Variants in LGI2 observed in about 807,000 individuals in gnomAD.
LGI2 encodes the protein leucine-rich repeat LGI family member 2.
LGI2 carries 30 observed loss-of-function variants against 52.0 expected under a neutral mutation model. The ratio of observed to expected loss-of-function variants is 0.58; its 90% CI spans 0.43 to 0.78. The LOEUF (loss-of-function observed/expected upper bound fraction) is 0.78. Ranked by LOEUF, LGI2 falls within the 30% of genes least tolerant of loss-of-function variation. The pLI, the probability that LGI2 is intolerant of heterozygous loss-of-function variation, is 0.00. For missense variants in LGI2, 573 were observed against 692.5 expected, an observed-to-expected ratio of 0.83 and a Z score of 1.94; for synonymous variants, 270 against 271.8, an observed-to-expected ratio of 0.99 and a Z score of 0.06.
intron 1 of LGI2, among the ~76,000 whole-genome samples, chr4:25,028,808 T>A (rs1726227318): frequency 6.6e-6 from 1 of 152,196 alleles, no homozygotes; most frequent in South Asian, 2.1e-4. Context: ...ACCTTTACCA[T>A]CAGCTCCTTC....
intron 4 of LGI2, among the ~76,000 whole-genome samples, chr4:25,021,653 C>T (rs1377396001): frequency 1.3e-5 from 2 of 152,060 alleles, no homozygotes; most frequent in African/African-American, 4.8e-5. Context: ...GTCGCCTGGC[C>T]GGGCGCGGTG....
chr4:25,003,556 A>G lies in LGI2; in HGVS notation c.1533T>C (p.Arg511=), dbSNP rs750711545. ...TGTCGGTGGAGACAGCTGTGAATGA[A>G]CGAGGCGCCTGCACGTAAATCTCCT... ...KFKEIYVQAP[R]SFTAVSTDRR... is the part of the protein sequence containing the mutation. The change falls in exon 8 of 8, where the codon CGT becomes CGC. Residue 511 remains arginine, a synonymous_variant. Coordinates refer to ENST00000382114, the MANE Select transcript of LGI2 (RefSeq NM_018176.4). 1 of 1,614,120 alleles carries G rather than the reference A, an allele frequency of 6.2e-7. No homozygotes were observed. Among genetic ancestry groups the G allele is most frequent in the Non-Finnish European group, 8.5e-7 (1 of 1,179,994 alleles).
Position 25,012,417 on chromosome 4 carries a change from G to A in LGI2, c.738C>T (p.Ile246=), listed in dbSNP as rs757666849. The A allele has an allele frequency of 1.8e-5, 29 of 1,614,142 alleles. No homozygotes were observed. Among genetic ancestry groups the A allele is most frequent in the Middle Eastern group, 1.6e-4 (1 of 6,084 alleles). ...TGCAGTTCTCCATGCTGGGCTGCGC[G>A]ATGGCCACGTACACATCGTTCTTGG... ...FNSKNDVYVA[I]AQPSMENCMV... Residue 246 remains isoleucine, a synonymous_variant, in exon 7 of 8, where the codon ATC becomes ATT. Coordinates refer to ENST00000382114, the MANE Select transcript of LGI2 (RefSeq NM_018176.4).
rs557857000 is a variant in LGI2 at position 25,008,824 on chromosome 4, G to A, written c.820+3511C>T. 3.9e-5 allele frequency among the ~76,000 whole-genome samples: 6 copies of A among 152,288 alleles called. No homozygotes were observed. In the South Asian group the frequency reaches 1.2e-3, roughly 32 times the overall value. ...TTCATGTCATGCCGCCAAGCTGTGG[G>A]ATGATTCAGACTTGGAGACTGAGGG... On this transcript the variant is annotated intron_variant, in intron 7 of 7. Coordinates refer to ENST00000382114, the MANE Select transcript of LGI2 (RefSeq NM_018176.4).
downstream of LGI2, among the ~76,000 whole-genome samples, chr4:24,997,741 A>G (rs1725124967): frequency 6.6e-6 from 1 of 152,216 alleles, no homozygotes; most frequent in East Asian, 1.9e-4. Flanking sequence ...ATTTTCTTGT[A>G]TAATCTCCTC....
intron 4 of LGI2, among the ~76,000 whole-genome samples, chr4:25,020,482 C>G (rs796110818): frequency 1.3e-5 from 2 of 152,302 alleles, no homozygotes; most frequent in African/African-American, 4.8e-5. Context: ...GCACTGCACT[C>G]TAATGTGAGT....
At chr4:25,026,365 T>C (rs531409775) in intron 3 of LGI2, among the ~76,000 whole-genome samples, 8 of 152,016 alleles carry the variant, frequency 5.3e-5, no homozygotes, top group Non-Finnish European at 1.0e-4. Flanking sequence ...AAAATGACCT[T>C]TTTTTAAGGA....
intron 7 of LGI2, among the ~76,000 whole-genome samples, chr4:25,007,301 G>C (rs1462205604): frequency 1.3e-5 from 2 of 152,134 alleles, no homozygotes; most frequent in African/African-American, 2.4e-5. Context: ...AGAATTGCTG[G>C]GGCAAATGTT....
At chr4:25,017,810 AC>A (rs1380739689) in intron 6 of LGI2, among the ~76,000 whole-genome samples, 178 bp downstream of exon 6, 1 of 152,106 alleles carries the variant, frequency 6.6e-6, no homozygotes, top group Non-Finnish European at 1.5e-5. Context: ...ATTCTCCCAA[AC>A]TTTTGAGATA....
downstream of LGI2, among the ~76,000 whole-genome samples, chr4:24,995,982 G>A (rs565935682): frequency 1.4e-4 from 22 of 152,292 alleles, no homozygotes; most frequent in East Asian, 1.9e-4. Flanking sequence ...TGAGCTTTGC[G>A]GAAGAGTGGA....
the LGI2 span, among the ~76,000 whole-genome samples, chr4:24,992,439 T>C: frequency 2.0e-5 from 3 of 151,726 alleles, no homozygotes. Flanking sequence ...TAGAGCCAGG[T>C]GCGGTGGCTC....
At chr4:25,009,564 C>A (rs147888379) in intron 7 of LGI2, among the ~76,000 whole-genome samples, 53 of 152,298 alleles carry the variant, frequency 3.5e-4, no homozygotes, top group African/African-American at 1.3e-3. Context: ...ATAATTATTA[C>A]AATACGAATA....
intron 4 of LGI2, among the ~76,000 whole-genome samples, chr4:25,023,726 T>G (rs1726051353): frequency 6.6e-6 from 1 of 152,222 alleles, no homozygotes; most frequent in Admixed American, 6.5e-5. Context: ...ACTACAGAGA[T>G]GAGACATGTT....
intron 7 of LGI2, among the ~76,000 whole-genome samples, chr4:25,005,646 G>T (rs562982034): frequency 6.6e-6 from 1 of 152,194 alleles, no homozygotes; most frequent in Non-Finnish European, 1.5e-5. Context: ...CTGGGGTGGT[G>T]GGGGGTTGCG....
At position 25,018,075 on chromosome 4, in the gene LGI2, G is replaced by C; in HGVS notation, c.569C>G (p.Ser190Cys). ...LWLKMTNSTV[S>C]DVLCIGPPEY... Reference sequence around the variant, plus strand: ...TGGTGGACCAATACACAGCACATCAGAAACGGTGGAATTTGTCATCTTCAA... The same window carrying C: ...TGGTGGACCAATACACAGCACATCACAAACGGTGGAATTTGTCATCTTCAA... The change falls in exon 6 of 8, where the codon TCT becomes TGT. Residue 190 changes from serine to cysteine, a missense_variant. Coordinates refer to ENST00000382114, the MANE Select transcript of LGI2 (RefSeq NM_018176.4). The C allele has an allele frequency of 6.2e-7, 1 of 1,613,830 alleles. No individual in the cohort carries two copies. Among genetic ancestry groups the C allele is most frequent in the Non-Finnish European group, 8.5e-7 (1 of 1,179,940 alleles).
rs139886364 is a variant in LGI2, at chr4:25,003,809, C to T, written c.1280G>A (p.Arg427Gln). 122 of 1,614,022 alleles carry T rather than the reference C, an allele frequency of 7.6e-5. No homozygotes were observed. Among genetic ancestry groups the T allele is most frequent in the Admixed American group, 2.3e-4 (14 of 59,996 alleles). ...MEDVLAVKSFRMQNTLYLSLT... is the reference protein window; with the variant it reads ...MEDVLAVKSFQMQNTLYLSLT... ...GGAAAGGTAGAGGGTATTTTGCATT[C>T]GGAAGCTCTTCACAGCCAGTACGTC... is the stretch of plus-strand genomic sequence containing the variant. Residue 427 changes from arginine to glutamine, a missense_variant, in exon 8 of 8, where the codon CGA (arginine) becomes CAA (glutamine). By Grantham distance (43) the Arg-to-Gln change is conservative. Transcript: ENST00000382114.
chr4:25,022,581 T>C (rs1465688052), intron 4 of LGI2, among the ~76,000 whole-genome samples: 2 of 152,160 alleles, frequency 1.3e-5, no homozygotes, highest in African/African-American at 4.8e-5. Context: ...CTGTGCATAA[T>C]ACCACAGAAA....
chr4:25,027,094 CA>C (rs1224392451), intron 2 of LGI2, among the ~76,000 whole-genome samples, 155 bp from the exon 3 acceptor site: 1 of 152,214 alleles, frequency 6.6e-6, no homozygotes, highest in African/African-American at 2.4e-5. Context: ...ACCTGATTCT[CA>C]CAGCCTGCTC....
At position 25,001,521 on chromosome 4, in the gene LGI2, G is replaced by C. The variant is rs974809932; in HGVS notation, c.*1930C>G. The C allele has an allele frequency of 6.6e-6, 1 of 152,024 alleles. No homozygotes were observed. Among genetic ancestry groups the C allele is most frequent in the Admixed American group, 6.6e-5 (1 of 15,266 alleles). 9.4% of individuals were successfully genotyped at this position (152,024 alleles called of 1,614,324 possible). On this transcript the variant is annotated 3_prime_UTR_variant, in exon 8 of 8. Coordinates refer to ENST00000382114, the MANE Select transcript of LGI2 (RefSeq NM_018176.4). The stretch of plus-strand genomic sequence containing the variant: ...TTTCCCTTTCAGCCTCCAATGGGGG[G>C]ACCTGGGCATTTGTAGCCTGTTCAA...
Sources: allele counts gnomAD v4.1 joint callset (sites outside exome capture counted in the v4.1 genomes callset), GRCh38; gene constraint gnomAD v4.1.1; transcripts MANE v1.5; gene names NCBI Gene and HGNC (gene_info 2026-07-23, HGNC 2026-07-21).